SCN11A: variants seen among roughly 807,000 people sequenced by gnomAD.
SCN11A encodes sodium voltage-gated channel alpha subunit 11, also known as sodium channel protein type 11 subunit alpha.
SCN11A carries 122 observed loss-of-function variants against 162.2 expected under a neutral mutation model. That is an observed-to-expected ratio of 0.75 (90% confidence interval 0.65 to 0.87). The LOEUF (loss-of-function observed/expected upper bound fraction) is 0.87, where lower values mean the gene tolerates loss of function less well. Ranked by LOEUF, SCN11A falls within the 40% of genes least tolerant of loss-of-function variation. The pLI, the probability that SCN11A is intolerant of heterozygous loss-of-function variation, is 0.00. For synonymous variants in SCN11A, 758 were observed against 751.5 expected, an observed-to-expected ratio of 1.01 and a Z score of -0.14; for missense variants, 2,015 against 2,181.6, an observed-to-expected ratio of 0.92 and a Z score of 1.52.
chr3:39,002,834 CAGG>C (rs1028878257), intron 2 of SCN11A, among the ~76,000 whole-genome samples: 11 of 152,240 alleles, frequency 7.2e-5, no homozygotes, highest in Middle Eastern at 3.4e-3. Context: ...CCTGCTTGGC[CAGG>C]AGAAGGATAG....
At chr3:38,922,106 T>G (rs908548652) in intron 9 of SCN11A, among the ~76,000 whole-genome samples, 1 of 152,178 alleles carries the variant, frequency 6.6e-6, no homozygotes, top group East Asian at 1.9e-4. Context: ...AGTCTCAAGA[T>G]AGCTGGAGAG....
intron 13 of SCN11A, 90 bp from the exon 14 acceptor site, chr3:38,908,212 C>T (rs1380152203): frequency 1.3e-5 from 15 of 1,132,866 alleles, no homozygotes; most frequent in Non-Finnish European, 1.8e-5. Flanking sequence ...GTGAAAATCT[C>T]TCTTCTGGTA....
intron 11 of SCN11A, 132 bp downstream of exon 11, chr3:38,919,803 T>C (rs1447176588): frequency 2.8e-6 from 2 of 718,734 alleles, no homozygotes; most frequent in African/African-American, 1.8e-5. Context: ...TCTAAACATG[T>C]TTAGACACAT....
rs775582905 is a variant in SCN11A, at chr3:38,846,680, G to A, written c.*14C>T. 32 of 1,607,798 alleles carry A rather than the reference G, an allele frequency of 2.0e-5. No individual in the cohort carries two copies. Among genetic ancestry groups the A allele is most frequent in the Admixed American group, 3.3e-5 (2 of 59,964 alleles). On this transcript the variant is annotated 3_prime_UTR_variant, in exon 30 of 30. Transcript: ENST00000302328. ...AAGGCTGTGAAGCTATGAGGTAGGC[G>A]TGGAGGTGAGGGCTCAGTCACAGTG...
chr3:39,041,943 T>C (rs1455056443), intron 1 of SCN11A, among the ~76,000 whole-genome samples: 1 of 152,122 alleles, frequency 6.6e-6, no homozygotes, highest in African/African-American at 2.4e-5. Flanking sequence ...AATTTCCCAA[T>C]TAAACAATAT....
intron 22 of SCN11A, among the ~76,000 whole-genome samples, chr3:38,880,565 G>A (rs1292923542): frequency 1.3e-5 from 2 of 152,032 alleles, no homozygotes; most frequent in Non-Finnish European, 2.9e-5. Context: ...TTAAGTCCAA[G>A]TGCCTTAGCC....
At position 38,909,081 on chromosome 3, in the gene SCN11A, C is replaced by T. The variant is rs777763785; in HGVS notation, c.1215G>A (p.Glu405=). 6.2e-7 allele frequency: 1 copy of T among 1,614,118 alleles called. No homozygotes were observed. Among genetic ancestry groups the T allele is most frequent in the South Asian group, 1.1e-5 (1 of 91,088 alleles). ...TLAVVTMAYE[E]QNKNVAAEIE... is the part of the protein sequence containing the mutation. ...TCTCTGCAGCTACATTCTTGTTCTG[C>T]TCCTCATATGCCATGGTAACAACAG... The change falls in exon 13 of 30, where the codon GAG becomes GAA. Residue 405 remains glutamate (E), a synonymous_variant. Transcript: ENST00000302328.
At position 38,903,504 on chromosome 3, in the gene SCN11A, A is replaced by T. The variant is rs940649784; in HGVS notation, c.1842+361T>A. Among the ~76,000 whole-genome samples, 2 of 152,240 alleles carry T rather than the reference A, an allele frequency of 1.3e-5. 1 individual carries two copies. The highest frequency in any genetic ancestry group is 4.1e-4 in the South Asian group (2 of 4,832). On this transcript the variant is annotated intron_variant, in intron 16 of 29. Coordinates refer to ENST00000302328, the MANE Select transcript of SCN11A (RefSeq NM_001349253.2). ...AATAGTAGTCACATTATTTTGTGAC[A>T]AATGATGTCATGAATATCACTGGGA...
chr3:38,910,113 T>C lies in SCN11A; in HGVS notation c.1054A>G (p.Met352Val), dbSNP rs757066072. The C allele has an allele frequency of 3.0e-5, 48 of 1,613,824 alleles. No individual in the cohort carries two copies. Among genetic ancestry groups the C allele is most frequent in the African/African-American group, 5.3e-5 (4 of 74,892 alleles). The change falls in exon 12 of 30, where the codon ATG (methionine) becomes GTG (valine). Residue 352 changes from methionine (M) to valine (V), a missense_variant. Physicochemically the swap from Met to Val is conservative, Grantham distance 21. Transcript: ENST00000302328. ...GAATCTTGGGTCATCAGCCGGAACA[T>C]GGCAAGAAAAGACCAGCCAAAGTTG... ...FDNFGWSFLA[M>V]FRLMTQDSWE... is the part of the protein sequence containing the mutation.
chr3:38,890,647 G>C (rs928513890), intron 19 of SCN11A, among the ~76,000 whole-genome samples: 7 of 152,242 alleles, frequency 4.6e-5, no homozygotes, highest in African/African-American at 1.7e-4. Flanking sequence ...AAGGAAAATA[G>C]AGCAATTATC....
At chr3:38,881,822 G>C (rs1171786932) in intron 22 of SCN11A, among the ~76,000 whole-genome samples, 1 of 152,232 alleles carries the variant, frequency 6.6e-6, no homozygotes, top group African/African-American at 2.4e-5. Context: ...GCTTTGCTCT[G>C]CCCAGCCTAC....
At chr3:38,877,045 G>A (rs2065221114) in intron 23 of SCN11A, among the ~76,000 whole-genome samples, 1 of 22,468 alleles carries the variant, frequency 4.5e-5, no homozygotes, top group African/African-American at 1.1e-4. Flanking sequence ...TATATATGGT[G>A]TATATACTAT....
At position 39,003,136 on chromosome 3, in the gene SCN11A, G is replaced by A. The variant is rs140961764; in HGVS notation, c.-280+29244C>T. Reference sequence around the variant, plus strand: ...GATTATTCAATCACCCAGGTATGAAGTCCAGTACCGAATAGCTATCATTTC... The same window carrying A: ...GATTATTCAATCACCCAGGTATGAAATCCAGTACCGAATAGCTATCATTTC... On this transcript the variant is annotated intron_variant, in intron 2 of 29. Transcript: ENST00000302328. 4.8e-3 allele frequency among the ~76,000 whole-genome samples: 738 copies of A among 152,252 alleles called. 3 individuals are homozygous for A. The highest frequency in any genetic ancestry group is 7.4e-3 in the Non-Finnish European group (506 of 68,000).
At chr3:39,014,663 A>T (rs2031239579) in intron 2 of SCN11A, among the ~76,000 whole-genome samples, 1 of 152,214 alleles carries the variant, frequency 6.6e-6, no homozygotes, top group Non-Finnish European at 1.5e-5. Flanking sequence ...TTATGGTAAA[A>T]TGAGTTCTGT....
Position 38,894,587 on chromosome 3 carries a change from T to C in SCN11A, c.2781A>G (p.Glu927=). The C allele has an allele frequency of 6.2e-7, 1 of 1,613,952 alleles. No individual in the cohort carries two copies. The highest frequency in any genetic ancestry group is 8.5e-7 in the Non-Finnish European group (1 of 1,179,930). The change falls in exon 19 of 30, where the codon GAA becomes GAG. Residue 927 remains glutamate (E), a synonymous_variant. Transcript: ENST00000302328. The part of the protein sequence containing the change: ...APLAEEEDDV[E]FSGEDNAQRI... ...GCTGTGCATTATCTTCACCAGAAAATTCAACGTCATCTTCCTCCTCCGCAA... is the reference window on the plus strand; with the variant it reads ...GCTGTGCATTATCTTCACCAGAAAACTCAACGTCATCTTCCTCCTCCGCAA...
chr3:38,879,932 C>G lies in SCN11A; in HGVS notation c.3393+18G>C, dbSNP rs758781744. ...CCACTACCCCAGCCTGTGTGGGACA[C>G]AGAGATGGTAAACTTACAATCACAA... On this transcript the variant is annotated intron_variant, in intron 23 of 29. Transcript: ENST00000302328. 4 of 1,607,486 alleles carry G rather than the reference C, an allele frequency of 2.5e-6. No homozygotes were observed. The South Asian group carries it at 4.4e-5, about 18-fold the overall frequency.
At chr3:38,874,190 G>C (rs1415214457) in intron 23 of SCN11A, among the ~76,000 whole-genome samples, 1 of 152,014 alleles carries the variant, frequency 6.6e-6, no homozygotes, top group Non-Finnish European at 1.5e-5. Context: ...TATTAGCAGT[G>C]GTTTGAGATC....
intron 28 of SCN11A, among the ~76,000 whole-genome samples, chr3:38,861,391 A>G (rs908335159): frequency 7.2e-5 from 11 of 152,140 alleles, no homozygotes; most frequent in African/African-American, 2.7e-4. Flanking sequence ...AGAAAAAAAA[A>G]TCTTAAAATT....
At chr3:38,923,672 G>C (rs149959914) in intron 9 of SCN11A, among the ~76,000 whole-genome samples, 74 of 152,282 alleles carry the variant, frequency 4.9e-4, no homozygotes, top group East Asian at 4.3e-3. Context: ...CCTGATCAGA[G>C]AGCACTGCCA....
Sources: allele counts gnomAD v4.1 joint callset (sites outside exome capture counted in the v4.1 genomes callset), GRCh38; gene constraint gnomAD v4.1.1; transcripts MANE v1.5; gene names NCBI Gene and HGNC (gene_info 2026-07-23, HGNC 2026-07-21).